The following JUP variants were observed in gnomAD, a reference collection of about 807,000 sequenced individuals.
The protein encoded by JUP is catenin (cadherin-associated protein), gamma 80kDa.
JUP carries 28 observed loss-of-function variants against 71.1 expected under a neutral mutation model. The observed-to-expected ratio is 0.39, with a 90% CI of 0.29 to 0.54. JUP has a LOEUF of 0.54. Ranked by LOEUF, JUP falls within the 20% of genes least tolerant of loss-of-function variation. JUP has a pLI of 0.62. For missense variants in JUP, 869 were observed against 1,030.1 expected (o/e 0.84, Z 2.14); for synonymous variants, 401 against 438.9 (o/e 0.91, Z 1.08).
At chr17:41,770,046 C>T (rs1395889555) in intron 2 of JUP, among the ~76,000 whole-genome samples, 4 of 152,034 alleles carry the variant, frequency 2.6e-5, no homozygotes, top group African/African-American at 7.2e-5. Flanking sequence ...GAAAACTGGG[C>T]ACAGAGGGGT....
chr17:41,764,841 C>G (rs374917557), intron 6 of JUP, 25 bp from the exon 7 acceptor site: 16 of 1,613,536 alleles, frequency 9.9e-6, no homozygotes, highest in Non-Finnish European at 9.3e-6. Flanking sequence ...GGGGTGCCAT[C>G]AGCCACGGGG....
At position 41,783,747 on chromosome 17, in the gene JUP, T is replaced by A. The variant is rs570526140; in HGVS notation, c.-9+2841A>T. 2.0e-5 allele frequency among the ~76,000 whole-genome samples: 3 copies of A among 151,792 alleles called. No homozygotes were observed. In the East Asian group the frequency reaches 5.9e-4, roughly 30 times the overall value. On this transcript the variant is annotated intron_variant, in intron 1 of 13. Coordinates refer to ENST00000393931, the MANE Select transcript of JUP (RefSeq NM_002230.4). ...CAGCCTGCGCAACATGGTGAAACCCTGTCTCTACTAAAAATACAAAAATCA... is the reference window on the plus strand; with the variant it reads ...CAGCCTGCGCAACATGGTGAAACCCAGTCTCTACTAAAAATACAAAAATCA...
intron 1 of JUP, among the ~76,000 whole-genome samples, chr17:41,784,196 T>C (rs2047331619): frequency 1.3e-5 from 2 of 152,212 alleles, no homozygotes; most frequent in South Asian, 4.1e-4. Flanking sequence ...GGGAAAAAGG[T>C]TGGCAGCCCT....
intron 13 of JUP, 106 bp from the exon 14 acceptor site, chr17:41,756,001 G>A: frequency 7.2e-7 from 1 of 1,380,650 alleles, no homozygotes; most frequent in Non-Finnish European, 9.7e-7. Context: ...ACCCCTGGTG[G>A]GCCTGACCCC....
Position 41,779,778 on chromosome 17 carries a change from G to A in JUP, c.-9+6810C>T, listed in dbSNP as rs530683209. Among the ~76,000 whole-genome samples, 257 of 151,476 alleles carry A rather than the reference G, an allele frequency of 1.7e-3. 1 individual carries two copies. Among genetic ancestry groups the A allele is most frequent in the African/African-American group, 5.7e-3 (237 of 41,280 alleles). On this transcript the variant is annotated intron_variant, in intron 1 of 13. Coordinates refer to ENST00000393931, the MANE Select transcript of JUP (RefSeq NM_002230.4). ...ACTCCTGGGCTCAAGCAATCCTTCC[G>A]CCTCAGCCTCCCGAGTAGCTAGGAC...
chr17:41,760,236 G>T (rs768982462), intron 8 of JUP, among the ~76,000 whole-genome samples: 1 of 151,088 alleles, frequency 6.6e-6, no homozygotes, highest in African/African-American at 2.4e-5. Context: ...TCTGCACTGG[G>T]TTTTTTTTGT....
intron 12 of JUP, among the ~76,000 whole-genome samples, chr17:41,756,429 T>C (rs1555597967): frequency 6.6e-6 from 1 of 151,570 alleles, no homozygotes; most frequent in Admixed American, 6.6e-5. Context: ...AAACCCTGTC[T>C]CTACTAAAAA....
At chr17:41,778,683 G>A (rs999635154) in intron 1 of JUP, among the ~76,000 whole-genome samples, 1 of 151,888 alleles carries the variant, frequency 6.6e-6, no homozygotes, top group African/African-American at 2.4e-5. Context: ...AGGCCGAGGC[G>A]GGCGGATCAC....
At chr17:41,758,629 A>G in intron 9 of JUP, 86 bp downstream of exon 9, 1 of 1,579,792 alleles carries the variant, frequency 6.3e-7, no homozygotes, top group Non-Finnish European at 8.6e-7. Flanking sequence ...CATCAGTTGC[A>G]ACTGACCTCC....
At chr17:41,756,711 C>CTAA (rs1555598190) in intron 12 of JUP, among the ~76,000 whole-genome samples, 2 of 152,048 alleles carry the variant, frequency 1.3e-5, no homozygotes, top group African/African-American at 4.8e-5. Context: ...ATCATCCTGG[C>CTAA]CAACATGGCG....
chr17:41,782,569 C>T (rs1269194485), intron 1 of JUP, among the ~76,000 whole-genome samples: 1 of 151,892 alleles, frequency 6.6e-6, no homozygotes, highest in South Asian at 2.1e-4. Context: ...CAGCTTTGAC[C>T]CCTGCCTCCT....
chr17:41,764,878 G>A (rs1363442803), intron 6 of JUP, 45 bp downstream of exon 6: 3 of 1,613,652 alleles, frequency 1.9e-6, no homozygotes, highest in South Asian at 2.2e-5. Context: ...CCTGGCAGCT[G>A]GGCAGAGCTC....
intron 8 of JUP, among the ~76,000 whole-genome samples, chr17:41,762,562 A>G (rs1195110269): frequency 6.6e-6 from 1 of 151,326 alleles, no homozygotes; most frequent in Non-Finnish European, 1.5e-5. Flanking sequence ...CACCTGGCTA[A>G]TTTCTGTTGT....
At chr17:41,783,913 A>G (rs1008157962) in intron 1 of JUP, among the ~76,000 whole-genome samples, 2 of 151,298 alleles carry the variant, frequency 1.3e-5, no homozygotes, top group Admixed American at 1.3e-4. Context: ...AAAAAAAAAA[A>G]AAAAGAAAGT....
chr17:41,770,383 T>C (rs1345749968), intron 2 of JUP, among the ~76,000 whole-genome samples: 1 of 152,198 alleles, frequency 6.6e-6, no homozygotes, highest in Non-Finnish European at 1.5e-5. Flanking sequence ...AGCCACACCC[T>C]GGCAACTGTC....
chr17:41,782,784 G>T (rs576947940), intron 1 of JUP, among the ~76,000 whole-genome samples: 2 of 152,116 alleles, frequency 1.3e-5, no homozygotes, highest in African/African-American at 2.4e-5. Flanking sequence ...CTTCTCCCCA[G>T]TCAGGCAGAG....
Position 41,769,426 on chromosome 17 carries a change from C to T in JUP, c.460G>A (p.Glu154Lys), listed in dbSNP as rs782765314. The T allele has an allele frequency of 5.1e-5, 82 of 1,611,634 alleles. No homozygotes were observed. The highest frequency in any genetic ancestry group is 1.6e-4 in the Middle Eastern group (1 of 6,082). ...CAGGGACCCTCACAGACCGGGTCCT[C>T]GTCGTTGAGCAGTTTGGTGAGCTCG... ...LPELTKLLND[E>K]DPVVVTKAAM... Residue 154 changes from glutamate (E) to lysine (K), a missense_variant, in exon 3 of 14, where the codon GAG becomes AAG. Coordinates refer to ENST00000393931, the MANE Select transcript of JUP (RefSeq NM_002230.4).
Position 41,757,792 on chromosome 17 carries a change from G to A in JUP, c.1774-8C>T, listed in dbSNP as rs781837434. The A allele has an allele frequency of 1.5e-5, 24 of 1,602,984 alleles. No homozygotes were observed. The highest frequency in any genetic ancestry group is 5.6e-5 in the South Asian group (5 of 89,330). On this transcript the variant is annotated splice_polypyrimidine_tract_variant and splice_region_variant and intron_variant, in intron 10 of 13. Coordinates refer to ENST00000393931, the MANE Select transcript of JUP (RefSeq NM_002230.4). The stretch of plus-strand genomic sequence containing the variant: ...CACCGACGAGTACAGGAGCTGGGGA[G>A]AGGGGACGTGGGAAGCAGGGGAGAG...
intron 1 of JUP, among the ~76,000 whole-genome samples, chr17:41,783,500 G>A (rs1439790044): frequency 2.0e-5 from 3 of 151,848 alleles, no homozygotes; most frequent in Admixed American, 1.3e-4. Flanking sequence ...TGTTGCCCAG[G>A]CTGGTCTGGA....
Sources: gnomAD v4.1 joint callset for allele counts (sites outside exome capture counted in the v4.1 genomes callset) on GRCh38, gnomAD v4.1.1 for gene constraint, MANE v1.5 for transcripts, NCBI Gene and HGNC (gene_info 2026-07-23, HGNC 2026-07-21) for gene names.